FNDC3B: variants seen among roughly 807,000 people sequenced by gnomAD.
The protein encoded by FNDC3B is fibronectin type III domain-containing protein 3B.
FNDC3B carries 12 observed loss-of-function variants against 151.5 expected under a neutral mutation model. The ratio of observed to expected loss-of-function variants is 0.08; its 90% CI spans 0.05 to 0.13. The LOEUF (loss-of-function observed/expected upper bound fraction) is 0.13. Ranked by LOEUF, FNDC3B falls within the 10% of genes least tolerant of loss-of-function variation. The probability of loss-of-function intolerance (pLI) is 1.00; values close to 1 mark genes in which losing one functional copy is unlikely to be tolerated. For synonymous variants in FNDC3B, 528 were observed against 549.0 expected, an observed-to-expected ratio of 0.96 and a Z score of 0.54; for missense variants, 1,214 against 1,505.3, an observed-to-expected ratio of 0.81 and a Z score of 3.20.
At position 172,251,425 on chromosome 3, in the gene FNDC3B, A is replaced by G. The variant is rs745636990; in HGVS notation, c.674A>G (p.Tyr225Cys). The G allele has an allele frequency of 6.8e-6, 11 of 1,613,958 alleles. No individual in the cohort carries two copies. The highest frequency in any genetic ancestry group is 7.6e-6 in the Non-Finnish European group (9 of 1,179,970). Residue 225 changes from tyrosine (Y) to cysteine (C), a missense_variant, in exon 6 of 26, where the codon TAT (tyrosine) becomes TGT (cysteine). Transcript: ENST00000415807. ...AGCTGCACAACAGTATACAATGGCT[A>G]TGGGAAGGGCCATAGTGGTGGAAGT... Reference protein sequence around the residue: ...KSSCTTVYNGYGKGHSGGSGG... With the variant: ...KSSCTTVYNGCGKGHSGGSGG...
rs1023251254 is a variant in FNDC3B at position 172,316,556 on chromosome 3, G to T, written c.1254+5675G>T. 3.3e-4 allele frequency: 125 copies of T among 382,204 alleles called. 1 individual carries two copies. The highest frequency in any genetic ancestry group is 4.4e-4 in the Middle Eastern group (1 of 2,288). 23.7% of individuals were successfully genotyped at this position (382,204 alleles called of 1,614,324 possible). A position where few individuals can be genotyped will look rare whatever the true frequency, so the allele number is the denominator to read the frequency against. The stretch of plus-strand genomic sequence containing the variant: ...GGAGTGAATTTTAATGGGCAAATAA[G>T]AACTTTTTATTTTAGAAAAAATTAG... On this transcript the variant is annotated intron_variant, in intron 11 of 25. Coordinates refer to ENST00000415807, the MANE Select transcript of FNDC3B (RefSeq NM_022763.4).
intron 13 of FNDC3B, 71 bp downstream of exon 13, chr3:172,330,786 T>C: frequency 1.6e-6 from 2 of 1,212,748 alleles, no homozygotes; most frequent in Non-Finnish European, 2.3e-6. Context: ...CAGGGCACCA[T>C]GAAATTAGAT....
chr3:172,198,079 A>G (rs975018305), intron 3 of FNDC3B, among the ~76,000 whole-genome samples: 4 of 152,098 alleles, frequency 2.6e-5, no homozygotes, highest in Admixed American at 1.3e-4. Flanking sequence ...TTAATGCTCA[A>G]AATTCCTTTA....
intron 3 of FNDC3B, among the ~76,000 whole-genome samples, chr3:172,158,753 T>A (rs1372395057): frequency 1.3e-5 from 2 of 152,238 alleles, no homozygotes; most frequent in Non-Finnish European, 1.5e-5. Flanking sequence ...TTGTTTTCCC[T>A]ACAAGTTTTA....
In FNDC3B at chr3:172,162,078, G is replaced by A. The variant is rs1414012875; in HGVS notation, c.187+28532G>A. On this transcript the variant is annotated intron_variant, in intron 3 of 25. Transcript: ENST00000415807. ...TGCAACCTCCGCCTCCCAGATTCAAGCGATTTCTCCTTTCTCAGCCTCCTG... is the reference window on the plus strand; with the variant it reads ...TGCAACCTCCGCCTCCCAGATTCAAACGATTTCTCCTTTCTCAGCCTCCTG... Among the ~76,000 whole-genome samples the A allele has an allele frequency of 2.0e-5, 3 of 151,596 alleles. 1 individual carries two copies. The East Asian group carries it at 5.8e-4, about 29-fold the overall frequency.
In FNDC3B at chr3:172,295,389, T is replaced by C. The variant is rs747440007; in HGVS notation, c.876T>C (p.Val292=). 1.2e-6 allele frequency: 2 copies of C among 1,613,514 alleles called. No individual in the cohort carries two copies. Among genetic ancestry groups the C allele is most frequent in the Non-Finnish European group, 1.7e-6 (2 of 1,179,788 alleles). ...TTTCTAATATTCAGGCAAGAGCAGTTGTGTTGTCCTGGGCTCCCCCTGTTG... is the reference window on the plus strand; with the variant it reads ...TTTCTAATATTCAGGCAAGAGCAGTCGTGTTGTCCTGGGCTCCCCCTGTTG... ...PQVSNIQARA[V]VLSWAPPVGL... is the part of the protein sequence containing the mutation. The change falls in exon 8 of 26, where the codon GTT becomes GTC. Residue 292 remains valine (V), a synonymous_variant. Coordinates refer to ENST00000415807, the MANE Select transcript of FNDC3B (RefSeq NM_022763.4).
At position 172,197,073 on chromosome 3, in the gene FNDC3B, C is replaced by T. The variant is rs188386614; in HGVS notation, c.188-29798C>T. Among the ~76,000 whole-genome samples, 5 of 151,868 alleles carry T rather than the reference C, an allele frequency of 3.3e-5. No individual in the cohort carries two copies. In the East Asian group the frequency reaches 7.7e-4, roughly 23 times the overall value. On this transcript the variant is annotated intron_variant, in intron 3 of 25. Coordinates refer to ENST00000415807, the MANE Select transcript of FNDC3B (RefSeq NM_022763.4). Reference sequence around the variant, plus strand: ...GCATGTGCCTGTGGTCCCAGCTACTCGGGAGGCTGAGGCAGGAGAATCACT... The same window carrying T: ...GCATGTGCCTGTGGTCCCAGCTACTTGGGAGGCTGAGGCAGGAGAATCACT...
At chr3:172,126,738 G>C (rs1176062236) in intron 2 of FNDC3B, among the ~76,000 whole-genome samples, 1 of 152,214 alleles carries the variant, frequency 6.6e-6, no homozygotes, top group Non-Finnish European at 1.5e-5. Flanking sequence ...TTGTGGGTCA[G>C]AAAACTGAGC....
intron 11 of FNDC3B, among the ~76,000 whole-genome samples, chr3:172,327,877 G>C (rs1019959892): frequency 6.6e-6 from 1 of 152,210 alleles, no homozygotes; most frequent in Non-Finnish European, 1.5e-5. Context: ...TGTTTTTTGT[G>C]AAATAAATTG....
intron 3 of FNDC3B, among the ~76,000 whole-genome samples, chr3:172,162,607 G>A (rs779688613): frequency 6.1e-4 from 92 of 150,448 alleles, no homozygotes; most frequent in South Asian, 1.7e-3. Context: ...CACCAGCAGT[G>A]TATGAGGGTT....
At chr3:172,098,665 C>T (rs186938526) in intron 1 of FNDC3B, among the ~76,000 whole-genome samples, 99 of 151,760 alleles carry the variant, frequency 6.5e-4, no homozygotes, top group Admixed American at 1.1e-3. Flanking sequence ...TAAAGAAAAA[C>T]AAAGCAATAC....
intron 22 of FNDC3B, among the ~76,000 whole-genome samples, chr3:172,353,417 C>G (rs1458190925): frequency 1.3e-5 from 2 of 152,174 alleles, no homozygotes; most frequent in African/African-American, 2.4e-5. Flanking sequence ...TTGGCTTCTT[C>G]CAGAAATTGT....
chr3:172,211,960 C>G (rs1725753913), intron 3 of FNDC3B, among the ~76,000 whole-genome samples: 2 of 152,188 alleles, frequency 1.3e-5, no homozygotes, highest in Non-Finnish European at 2.9e-5. Flanking sequence ...TACCTACTTC[C>G]TTATTCTTAG....
rs532902283 is a variant in FNDC3B, at chr3:172,401,165, G to T, written c.*3690G>T. On this transcript the variant is annotated 3_prime_UTR_variant, in exon 26 of 26. Coordinates refer to ENST00000415807, the MANE Select transcript of FNDC3B (RefSeq NM_022763.4). ...CTCGATCTGACCTCGTGATCTGCCCGCCTCGGCCTCCCAAAGTGCTGGGAT... is the reference window on the plus strand; with the variant it reads ...CTCGATCTGACCTCGTGATCTGCCCTCCTCGGCCTCCCAAAGTGCTGGGAT... 1 of 152,186 alleles carries T rather than the reference G, an allele frequency of 6.6e-6. No individual in the cohort carries two copies. The highest frequency in any genetic ancestry group is 1.5e-5 in the Non-Finnish European group (1 of 68,164). 9.4% of individuals were successfully genotyped at this position (152,186 alleles called of 1,614,324 possible). A position where few individuals can be genotyped will look rare whatever the true frequency, so the allele number is the denominator to read the frequency against.
chr3:172,243,296 T>G (rs1727592638), intron 4 of FNDC3B, among the ~76,000 whole-genome samples: 1 of 152,208 alleles, frequency 6.6e-6, no homozygotes, highest in Admixed American at 6.5e-5. Flanking sequence ...AATGTGCCAC[T>G]CTTCTTGGAC....
At chr3:172,281,470 C>T (rs931737932) in intron 6 of FNDC3B, among the ~76,000 whole-genome samples, 1 of 152,122 alleles carries the variant, frequency 6.6e-6, no homozygotes, top group South Asian at 2.1e-4. Flanking sequence ...TTCATTTACC[C>T]CAGCCGTGGT....
intron 2 of FNDC3B, among the ~76,000 whole-genome samples, chr3:172,124,266 T>C (rs1332867893): frequency 2.0e-5 from 3 of 152,204 alleles, no homozygotes; most frequent in Non-Finnish European, 2.9e-5. Context: ...AATTTTTAAA[T>C]TTTTAGTAGA....
chr3:172,281,870 C>T (rs1729743493), intron 6 of FNDC3B, among the ~76,000 whole-genome samples: 1 of 151,866 alleles, frequency 6.6e-6, no homozygotes, highest in Non-Finnish European at 1.5e-5. Flanking sequence ...TTCTTCTTTC[C>T]TTCACAATAT....
intron 3 of FNDC3B, 98 bp from the exon 4 acceptor site, chr3:172,226,773 C>A: frequency 1.3e-6 from 1 of 780,664 alleles, no homozygotes; most frequent in South Asian, 1.7e-5. Context: ...TTGTCAAAGT[C>A]ATTAATTATC....
Sources: gnomAD v4.1 joint callset for allele counts (sites outside exome capture counted in the v4.1 genomes callset) on GRCh38, gnomAD v4.1.1 for gene constraint, MANE v1.5 for transcripts, NCBI Gene and HGNC (gene_info 2026-07-23, HGNC 2026-07-21) for gene names.